The following RERE variants were observed in gnomAD, a reference collection of about 807,000 sequenced individuals.
RERE encodes arginine-glutamic acid dipeptide repeats.
A neutral mutation model predicts 146.1 loss-of-function variants in RERE; 40 were observed. The observed-to-expected ratio is 0.27, with a 90% CI of 0.21 to 0.36. The LOEUF (loss-of-function observed/expected upper bound fraction) is 0.36, where lower values mean the gene tolerates loss of function less well. Ranked by LOEUF, RERE falls within the 10% of genes least tolerant of loss-of-function variation. The pLI is 1.00. For synonymous variants in RERE, 1,003 were observed against 866.0 expected (o/e 1.16, Z -2.78); for missense variants, 1,933 against 2,138.7 (o/e 0.90, Z 1.90).
intron 1 of RERE, among the ~76,000 whole-genome samples, chr1:8,685,427 A>AT (rs36119826): frequency 0.82 from 125,136 of 152,118 alleles, 51,678 homozygotes; most frequent in East Asian, 0.94. Flanking sequence ...CACAATAAAG[A>AT]TTTATCTATT....
chr1:8,471,687 T>TC (rs1644688528), intron 10 of RERE, among the ~76,000 whole-genome samples: 2 of 152,108 alleles, frequency 1.3e-5, no homozygotes, highest in African/African-American at 4.8e-5. Context: ...TAATTTTTTT[T>TC]ATTTTTTGTA....
rs376664820 is a variant in RERE at position 8,391,958 on chromosome 1, C to G, written c.1285-25984G>C. Among the ~76,000 whole-genome samples, 5 of 152,114 alleles carry G rather than the reference C, an allele frequency of 3.3e-5. No homozygotes were observed. In the East Asian group the frequency reaches 5.8e-4, roughly 18 times the overall value. On this transcript the variant is annotated intron_variant, in intron 12 of 22. Coordinates refer to ENST00000400908, the MANE Select transcript of RERE (RefSeq NM_001042681.2). The stretch of plus-strand genomic sequence containing the variant: ...ATGAGAATCGTTTGAACTTGGGAGG[C>G]AGAGGCTGCAGTGAGCCAAGATCGC...
At chr1:8,762,853 T>C (rs1007408197) in intron 1 of RERE, among the ~76,000 whole-genome samples, 2 of 152,112 alleles carry the variant, frequency 1.3e-5, no homozygotes, top group African/African-American at 4.8e-5. Context: ...ACCACATAAA[T>C]GAAGACTAGG....
intron 10 of RERE, among the ~76,000 whole-genome samples, chr1:8,471,844 T>C (rs1644690550): frequency 6.6e-6 from 1 of 151,876 alleles, no homozygotes; most frequent in African/African-American, 2.4e-5. Context: ...AGAGTCTCAC[T>C]CTTGTTGCCC....
chr1:8,429,442 T>A (rs1383915680), intron 11 of RERE, among the ~76,000 whole-genome samples: 1 of 148,696 alleles, frequency 6.7e-6, no homozygotes, highest in African/African-American at 2.5e-5. Context: ...CCTGAAAGGG[T>A]AAGGTGTGCA....
intron 10 of RERE, among the ~76,000 whole-genome samples, chr1:8,466,707 T>C (rs1341780529): frequency 6.6e-6 from 1 of 152,230 alleles, no homozygotes; most frequent in East Asian, 1.9e-4. Flanking sequence ...AGTTTTTCAG[T>C]ACATATGAAT....
intron 1 of RERE, among the ~76,000 whole-genome samples, chr1:8,779,606 T>A (rs1191840528): frequency 6.6e-6 from 1 of 151,654 alleles, no homozygotes; most frequent in Non-Finnish European, 1.5e-5. Context: ...GAGGTTGCAA[T>A]GAGCCGAGAT....
At chr1:8,803,248 C>T (rs1266297192) in intron 1 of RERE, among the ~76,000 whole-genome samples, 2 of 151,916 alleles carry the variant, frequency 1.3e-5, no homozygotes, top group African/African-American at 4.8e-5. Flanking sequence ...GAGGCCGAGG[C>T]GGGAGGATCA....
At chr1:8,381,221 A>C in intron 12 of RERE, 1 of 350,106 alleles carries the variant, frequency 2.9e-6, no homozygotes, top group Non-Finnish European at 5.7e-6. Context: ...CAGGATATCA[A>C]GTTATGTCTA....
chr1:8,781,426 T>C (rs74672126), intron 1 of RERE, among the ~76,000 whole-genome samples: 10 of 151,168 alleles, frequency 6.6e-5, no homozygotes, highest in Non-Finnish European at 1.3e-4. Context: ...CCAGAGGCTG[T>C]GGTAGGAGGG....
intron 1 of RERE, among the ~76,000 whole-genome samples, chr1:8,800,921 C>G (rs1413650340): frequency 2.0e-5 from 3 of 152,066 alleles, no homozygotes; most frequent in Non-Finnish European, 4.4e-5. Context: ...GCCGAGATTG[C>G]GCCACTGCAC....
chr1:8,577,459 T>C (rs979890450), intron 4 of RERE, among the ~76,000 whole-genome samples: 1 of 152,190 alleles, frequency 6.6e-6, no homozygotes, highest in African/African-American at 2.4e-5. Flanking sequence ...GAAACAAGCC[T>C]GTATAATTAC....
At chr1:8,777,705 T>C (rs1641090879) in intron 1 of RERE, among the ~76,000 whole-genome samples, 1 of 141,320 alleles carries the variant, frequency 7.1e-6, no homozygotes. Context: ...CGGCTACTTT[T>C]TGTATTTTTT....
chr1:8,577,031 G>A (rs12733412), intron 4 of RERE, among the ~76,000 whole-genome samples: 8 of 151,816 alleles, frequency 5.3e-5, no homozygotes, highest in Non-Finnish European at 7.4e-5. Flanking sequence ...TTAGCTGGGC[G>A]TGGTGGCGGC....
intron 1 of RERE, among the ~76,000 whole-genome samples, chr1:8,815,421 C>T (rs1270630779): frequency 6.6e-6 from 1 of 152,168 alleles, no homozygotes; most frequent in Non-Finnish European, 1.5e-5. Context: ...GTGAACAAAT[C>T]ACTGTCCCCA....
chr1:8,547,701 T>TA (rs1372830766), intron 6 of RERE, among the ~76,000 whole-genome samples: 1 of 152,188 alleles, frequency 6.6e-6, no homozygotes, highest in Non-Finnish European at 1.5e-5. Flanking sequence ...ATCAGACTTG[T>TA]AAAAATTTAA....
chr1:8,444,958 G>A (rs1250640806), intron 11 of RERE, among the ~76,000 whole-genome samples: 2 of 151,466 alleles, frequency 1.3e-5, no homozygotes, highest in Admixed American at 6.6e-5. Flanking sequence ...AAATCACTAT[G>A]GTATTTAAAA....
intron 12 of RERE, among the ~76,000 whole-genome samples, chr1:8,401,681 G>A (rs1264225221): frequency 6.6e-6 from 1 of 151,030 alleles, no homozygotes; most frequent in Non-Finnish European, 1.5e-5. Context: ...GACTGCTTAA[G>A]CCTGGGAGGT....
At position 8,544,615 on chromosome 1, in the gene RERE, T is replaced by C. The variant is rs976884855; in HGVS notation, c.726-3297A>G. ...AGAGAAACCTGAACAGTTGGTGATT[T>C]TGGGTGGGAAGTTTTTAGAGGGAAG... On this transcript the variant is annotated intron_variant, in intron 6 of 22. Transcript: ENST00000400908. Among the ~76,000 whole-genome samples the C allele has an allele frequency of 5.3e-5, 8 of 152,126 alleles. No individual in the cohort carries two copies. The South Asian group carries it at 8.3e-4, about 16-fold the overall frequency.
Sources: gnomAD v4.1 joint callset for allele counts (sites outside exome capture counted in the v4.1 genomes callset) on GRCh38, gnomAD v4.1.1 for gene constraint, MANE v1.5 for transcripts, NCBI Gene and HGNC (gene_info 2026-07-23, HGNC 2026-07-21) for gene names.